Variants in WDR18 observed in about 807,000 individuals in gnomAD.
WDR18 encodes WD repeat-containing protein 18.
WDR18 carries 33 observed loss-of-function variants against 49.6 expected under a neutral mutation model. The observed-to-expected ratio is 0.67, with a 90% CI of 0.50 to 0.89. The LOEUF (loss-of-function observed/expected upper bound fraction) is 0.89, where lower values mean the gene tolerates loss of function less well. Among genes scored for constraint, WDR18 ranks in the 40% least tolerant of loss-of-function variants. WDR18 has a pLI of 0.00. For synonymous variants in WDR18, 315 were observed against 263.6 expected, an observed-to-expected ratio of 1.19 and a Z score of -1.89; for missense variants, 653 against 593.6, an observed-to-expected ratio of 1.10 and a Z score of -1.04.
rs553923964 is a variant in WDR18 at position 993,381 on chromosome 19, G to A, written c.1099-639G>A. Among the ~76,000 whole-genome samples the A allele has an allele frequency of 2.8e-3, 427 of 152,292 alleles. 4 individuals carry two copies. The highest frequency in any genetic ancestry group is 0.01 in the Middle Eastern group (3 of 294). The stretch of plus-strand genomic sequence containing the variant: ...CGGAGGGGGCCAGGCCATGCCCTCC[G>A]GTAATGCCGCCACCTTTCCCTAGCC... On this transcript the variant is annotated intron_variant, in intron 8 of 9. Coordinates refer to ENST00000585809, the MANE Select transcript of WDR18 (RefSeq NM_024100.4).
At chr19:987,828 A>AGTTTTTTTTTTTTT (rs2038490424) in intron 2 of WDR18, among the ~76,000 whole-genome samples, 1 of 47,804 alleles carries the variant, frequency 2.1e-5, no homozygotes, top group Non-Finnish European at 3.6e-5. Flanking sequence ...AGCCGCCTCC[A>AGTTTTTTTTTTTTT]GTTTTTTTTT....
chr19:989,612 T>C (rs979748651), intron 2 of WDR18, 150 bp from the exon 3 acceptor site: 2 of 1,200,258 alleles, frequency 1.7e-6, no homozygotes, highest in Non-Finnish European at 1.1e-6. Flanking sequence ...GCCGCTGCCC[T>C]GACAGGGTCA....
In WDR18 at chr19:984,572, G is replaced by A. The variant is rs1231872603; in HGVS notation, c.210+9G>A. ...GGGAGCTCCAGCGGAAGGTGCGGCG[G>A]TGCGGTCTCGCTGCTGGGGTCATGG... On this transcript the variant is annotated intron_variant, in intron 1 of 9. Transcript: ENST00000585809. The A allele has an allele frequency of 1.4e-6, 2 of 1,460,984 alleles. No homozygotes were observed. Among genetic ancestry groups the A allele is most frequent in the Middle Eastern group, 1.9e-4 (1 of 5,318 alleles). The allele number at this position is 1,460,984 out of a possible 1,614,324, so 90.5% of individuals were successfully genotyped here. A position where few individuals can be genotyped will look rare whatever the true frequency, so the allele number is the denominator to read the frequency against.
chr19:985,777 GC>G (rs2038468137), intron 1 of WDR18, 87 bp from the exon 2 acceptor site: 2 of 1,255,260 alleles, frequency 1.6e-6, no homozygotes, highest in South Asian at 2.5e-5. Flanking sequence ...CTTAGCCATT[GC>G]CCAGGCGTCC....
Position 991,831 on chromosome 19 carries a change from G to GGGGAC in WDR18, c.932-124_932-123insGGGAC. On this transcript the variant is annotated intron_variant, in intron 7 of 9. Transcript: ENST00000585809. ...CGTGGGGCGGGGCCTGGCTGGGGGC[G>GGGGAC]TGGACTGGCTGTGGGGCGGGGACTG... 2.8e-6 allele frequency: 3 copies of GGGGAC among 1,077,614 alleles called. No individual in the cohort carries two copies. The South Asian group carries it at 6.3e-5, about 23-fold the overall frequency. 66.8% of individuals were successfully genotyped at this position (1,077,614 alleles called of 1,614,324 possible).
intron 7 of WDR18, 72 bp downstream of exon 7, chr19:991,423 TG>T: frequency 2.6e-6 from 1 of 386,530 alleles, no homozygotes. Flanking sequence ...GGGCTTGGCT[TG>T]GGTGGGGGCG....
Position 984,419 on chromosome 19 carries a change from G to C in WDR18, c.66G>C (p.Val22=). 6.2e-7 allele frequency: 1 copy of C among 1,605,160 alleles called. No individual in the cohort carries two copies. Among genetic ancestry groups the C allele is most frequent in the African/African-American group, 1.3e-5 (1 of 74,252 alleles). The change falls in exon 1 of 10, where the codon GTG becomes GTC. Residue 22 remains valine, a synonymous_variant. Coordinates refer to ENST00000585809, the MANE Select transcript of WDR18 (RefSeq NM_024100.4). ...DSAAPMWSCI[V]WELHSGANLL... Reference sequence around the variant, plus strand: ...CGGCCCCGATGTGGAGCTGCATCGTGTGGGAACTTCACTCGGGCGCCAACC... The same window carrying C: ...CGGCCCCGATGTGGAGCTGCATCGTCTGGGAACTTCACTCGGGCGCCAACC...
chr19:990,387 C>A (rs546451359), intron 4 of WDR18, 23 bp downstream of exon 4: 2 of 1,517,254 alleles, frequency 1.3e-6, no homozygotes, highest in South Asian at 2.4e-5. Context: ...CACCCCACCA[C>A]GGTCCATGAG....
chr19:984,515 G>T lies in WDR18; in HGVS notation c.162G>T (p.Ala54=). The change falls in exon 1 of 10, where the codon GCG becomes GCT. Residue 54 remains alanine, a synonymous_variant. Coordinates refer to ENST00000585809, the MANE Select transcript of WDR18 (RefSeq NM_024100.4). ...TGCTCAATGGCGAGTATCTGCTGGC[G>T]GCGCAGCTGGGCAAGAATTACATCA... ...LALLNGEYLL[A]AQLGKNYISA... is the part of the protein sequence containing the mutation. 6.5e-7 allele frequency: 1 copy of T among 1,541,124 alleles called. No homozygotes were observed.
rs1359152532 is a variant in WDR18, at chr19:990,364, G to C, written c.597G>C (p.Lys199Asn). The change falls in exon 4 of 10, where the codon AAG becomes AAC. Residue 199 changes from lysine to asparagine, a missense_variant and splice_region_variant. By Grantham distance (94) the Lys-to-Asn change is moderately conservative (BLOSUM62 0). Transcript: ENST00000585809. ...VATSSLDQTVKLWEVSSGELL... is the reference protein window; with the variant it reads ...VATSSLDQTVNLWEVSSGELL... ...CCTCCTCACTGGACCAGACGGTGAA[G>C]GTACGCCGCCCCCACCCCACCACGG... 3.2e-6 allele frequency: 5 copies of C among 1,552,498 alleles called. No individual in the cohort carries two copies. The highest frequency in any genetic ancestry group is 4.3e-6 in the Non-Finnish European group (5 of 1,156,392).
At chr19:991,878 G>A (rs1411856793) in intron 7 of WDR18, 77 bp from the exon 8 acceptor site, 6 of 1,387,910 alleles carry the variant, frequency 4.3e-6, no homozygotes, top group Non-Finnish European at 5.6e-6. Context: ...GGACTGCCCT[G>A]GATGGGGCGG....
In WDR18 at chr19:991,960, G is replaced by C. The variant is rs1287449261; in HGVS notation, c.937G>C (p.Val313Leu). The change falls in exon 8 of 10, where the codon GTC becomes CTC. Residue 313 changes from valine to leucine, a missense_variant. By Grantham distance (32) the Val-to-Leu change is conservative. Transcript: ENST00000585809. ...CIRTVALKGP[V>L]TNAAILLAPV... ...CTGACCTCCGCGCCCCCCAGGCCCA[G>C]TCACCAATGCCGCCATCCTGCTGGC... 3 of 1,587,548 alleles carry C rather than the reference G, an allele frequency of 1.9e-6. No homozygotes were observed. Among genetic ancestry groups the C allele is most frequent in the Non-Finnish European group, 2.6e-6 (3 of 1,172,792 alleles).
At chr19:987,706 A>G (rs894649427) in intron 2 of WDR18, among the ~76,000 whole-genome samples, 1 of 152,028 alleles carries the variant, frequency 6.6e-6, no homozygotes, top group Admixed American at 6.5e-5. Flanking sequence ...GCATGTGGGT[A>G]GGAATTAAAT....
chr19:991,266 C>T lies in WDR18; in HGVS notation c.846C>T (p.Ser282=). The T allele has an allele frequency of 6.4e-7, 1 of 1,572,934 alleles. No homozygotes were observed. Among genetic ancestry groups the T allele is most frequent in the Non-Finnish European group, 8.6e-7 (1 of 1,157,958 alleles). ...GCCTGTCAGTGTCCACTGACGGCAG[C>T]GTGCTGCTCTCAGGCTCCCACGACG... ...VTCLSVSTDG[S]VLLSGSHDET... Residue 282 remains serine (S), a synonymous_variant, in exon 7 of 10, where the codon AGC becomes AGT. Transcript: ENST00000585809.
At chr19:984,274 G>GCCGCCGCTCTGGC, upstream of WDR18, 1 of 1,367,568 alleles carries the variant, frequency 7.3e-7, no homozygotes, top group Non-Finnish European at 9.5e-7. Flanking sequence ...GGGCCGCGGG[G>GCCGCCGCTCTGGC]CCGCCGCTCT....
intron 2 of WDR18, 60 bp from the exon 3 acceptor site, chr19:989,702 C>T: frequency 6.3e-6 from 10 of 1,598,456 alleles, no homozygotes; most frequent in Non-Finnish European, 7.7e-6. Context: ...GGGGCTGCAG[C>T]CCCCCTTTCC....
At chr19:986,098 T>A in intron 2 of WDR18, 123 bp downstream of exon 2, 1 of 865,180 alleles carries the variant, frequency 1.2e-6, no homozygotes, top group Non-Finnish European at 1.8e-6. Context: ...GCTCAGGGGT[T>A]ATAGCCTAAG....
rs546601945 is a variant in WDR18, at chr19:994,460, G to C, written c.*116G>C. On this transcript the variant is annotated 3_prime_UTR_variant, in exon 10 of 10. Transcript: ENST00000585809. ...CCTGGACTCTCCTCAGTTCTGTGTCGTGTTCGGGTTTTTCCTCTGTGACTG... is the reference window on the plus strand; with the variant it reads ...CCTGGACTCTCCTCAGTTCTGTGTCCTGTTCGGGTTTTTCCTCTGTGACTG... 1.4e-6 allele frequency: 2 copies of C among 1,417,978 alleles called. No individual in the cohort carries two copies. Among genetic ancestry groups the C allele is most frequent in the Admixed American group, 2.5e-5 (1 of 40,298 alleles). The allele number at this position is 1,417,978 out of a possible 1,614,324, so 87.8% of individuals were successfully genotyped here.
rs766780040 is a variant in WDR18, at chr19:991,309, G to A, written c.889G>A (p.Asp297Asn). The A allele has an allele frequency of 3.8e-6, 6 of 1,560,344 alleles. No homozygotes were observed. The highest frequency in any genetic ancestry group is 2.6e-6 in the Non-Finnish European group (3 of 1,152,390). ...GSHDETVRLW[D>N]VQSKQCIRTV... ...CCACGACGAGACCGTGCGCCTCTGG[G>A]ACGTGCAGAGCAAGCAGTGCATCCG... Residue 297 changes from aspartate (D) to asparagine (N), a missense_variant, in exon 7 of 10, where the codon GAC (aspartate) becomes AAC (asparagine). Transcript: ENST00000585809.
Sources: allele counts gnomAD v4.1 joint callset (sites outside exome capture counted in the v4.1 genomes callset), GRCh38; gene constraint gnomAD v4.1.1; transcripts MANE v1.5; gene names NCBI Gene and HGNC (gene_info 2026-07-23, HGNC 2026-07-21).